The following NRG1 variants were observed in gnomAD, a reference collection of about 807,000 sequenced individuals.
NRG1 encodes the protein neuregulin 1.
A neutral mutation model predicts 63.8 loss-of-function variants in NRG1; 18 were observed. That is an observed-to-expected ratio of 0.28 (90% CI 0.19 to 0.42). The LOEUF (loss-of-function observed/expected upper bound fraction) is 0.42, where lower values mean the gene tolerates loss of function less well. Ranked by LOEUF, NRG1 falls within the 10% of genes least tolerant of loss-of-function variation. The pLI is 1.00. For missense variants in NRG1, 762 were observed against 814.7 expected (o/e 0.94, Z 0.79); for synonymous variants, 302 against 301.3 (o/e 1.00, Z -0.02).
intron 1 of NRG1, among the ~76,000 whole-genome samples, chr8:32,326,412 A>G (rs577686858): frequency 9.2e-5 from 14 of 151,514 alleles, no homozygotes; most frequent in South Asian, 2.1e-4. Flanking sequence ...CCTGGGCTCA[A>G]GCCATTCTCC....
chr8:32,263,908 C>T (rs16879067), intron 1 of NRG1, among the ~76,000 whole-genome samples: 27,000 of 152,028 alleles, frequency 0.18, 3,085 homozygotes, highest in East Asian at 0.58. Context: ...GGTAGAGAGA[C>T]GGGGAGAGCT....
chr8:32,722,322 A>G lies in NRG1; in HGVS notation c.503-5627A>G, dbSNP rs534856382. 9.2e-5 allele frequency among the ~76,000 whole-genome samples: 14 copies of G among 152,292 alleles called. No homozygotes were observed. The South Asian group carries it at 2.9e-3, about 32-fold the overall frequency. On this transcript the variant is annotated intron_variant, in intron 5 of 11. Coordinates refer to ENST00000356819, the Ensembl canonical transcript of NRG1. The stretch of plus-strand genomic sequence containing the variant: ...TAGTGGCTTTTTATCAGCAGTTTGC[A>G]TTTGTGTAATGGTCCTGGTCTACTG...
chr8:31,985,140 TG>T (rs959102510), intron 1 of NRG1, among the ~76,000 whole-genome samples: 2 of 152,032 alleles, frequency 1.3e-5, no homozygotes, highest in Admixed American at 6.6e-5. Context: ...GTTCGTAATC[TG>T]TTTTTAGACA....
chr8:32,532,026 A>G (rs1052006519), intron 1 of NRG1, among the ~76,000 whole-genome samples: 2 of 152,190 alleles, frequency 1.3e-5, no homozygotes, highest in Non-Finnish European at 2.9e-5. Flanking sequence ...CTGACATACT[A>G]GAATTTATGG....
At chr8:31,971,266 T>C (rs1180068408) in intron 1 of NRG1, among the ~76,000 whole-genome samples, 1 of 152,114 alleles carries the variant, frequency 6.6e-6, no homozygotes, top group Non-Finnish European at 1.5e-5. Context: ...AGAGCAAAAA[T>C]TCTTAATTTT....
At chr8:32,125,120 A>G (rs1477775740) in intron 1 of NRG1, among the ~76,000 whole-genome samples, 1 of 151,840 alleles carries the variant, frequency 6.6e-6, no homozygotes, top group African/African-American at 2.4e-5. Context: ...ACCTTCTACC[A>G]TGTGAGAACA....
chr8:32,666,740 T>C (rs777835733), intron 5 of NRG1, among the ~76,000 whole-genome samples: 3 of 152,224 alleles, frequency 2.0e-5, no homozygotes, highest in Non-Finnish European at 2.9e-5. Context: ...GACTTTGTCA[T>C]CTTGCAAACA....
chr8:32,632,277 G>C (rs1464660232), intron 5 of NRG1, among the ~76,000 whole-genome samples: 1 of 152,110 alleles, frequency 6.6e-6, no homozygotes, highest in Non-Finnish European at 1.5e-5. Context: ...CACTGGCCAG[G>C]CGTGGTGGCT....
intron 1 of NRG1, among the ~76,000 whole-genome samples, chr8:31,746,861 A>G (rs1407955168): frequency 1.3e-5 from 2 of 151,974 alleles, no homozygotes; most frequent in African/African-American, 2.4e-5. Context: ...TTGCAACAAC[A>G]TGGATGGAAC....
chr8:32,415,442 A>C (rs762037801), intron 1 of NRG1, among the ~76,000 whole-genome samples: 5 of 149,880 alleles, frequency 3.3e-5, no homozygotes, highest in South Asian at 2.1e-4. Flanking sequence ...AAAATGCGGC[A>C]ATCACAATAC....
At chr8:32,465,443 C>T (rs1429004370) in intron 1 of NRG1, among the ~76,000 whole-genome samples, 1 of 152,046 alleles carries the variant, frequency 6.6e-6, no homozygotes, top group African/African-American at 2.4e-5. Flanking sequence ...TTGAGCAAGC[C>T]CGCTTATTTA....
intron 5 of NRG1, among the ~76,000 whole-genome samples, chr8:32,685,483 A>G (rs979196999): frequency 2.0e-5 from 3 of 152,170 alleles, no homozygotes; most frequent in African/African-American, 7.2e-5. Context: ...CACCATCACA[A>G]GCAAATTCTG....
At chr8:31,929,953 A>C (rs1230579285) in intron 1 of NRG1, among the ~76,000 whole-genome samples, 1 of 152,212 alleles carries the variant, frequency 6.6e-6, no homozygotes, top group Non-Finnish European at 1.5e-5. Flanking sequence ...TCCCCTGCAA[A>C]GAATTCCTCT....
At chr8:32,129,885 C>T (rs1834579909) in intron 1 of NRG1, among the ~76,000 whole-genome samples, 1 of 151,906 alleles carries the variant, frequency 6.6e-6, no homozygotes, top group Non-Finnish European at 1.5e-5. Flanking sequence ...TGTCGTTTGT[C>T]TAAAGCACTT....
intron 5 of NRG1, among the ~76,000 whole-genome samples, chr8:32,631,656 A>G (rs1221599185): frequency 6.6e-6 from 1 of 152,208 alleles, no homozygotes; most frequent in Non-Finnish European, 1.5e-5. Context: ...TGACATATGC[A>G]TTAATCACTG....
chr8:32,424,032 A>T (rs1817024348), intron 1 of NRG1, among the ~76,000 whole-genome samples: 1 of 152,182 alleles, frequency 6.6e-6, no homozygotes, highest in South Asian at 2.1e-4. Context: ...CTCTTTCTAG[A>T]TAACCATCCA....
intron 1 of NRG1, among the ~76,000 whole-genome samples, chr8:32,193,652 C>T (rs960510987): frequency 2.0e-5 from 3 of 152,058 alleles, no homozygotes; most frequent in East Asian, 3.9e-4. Flanking sequence ...ATTGTGATGC[C>T]GCCCCCCTGC....
intron 1 of NRG1, among the ~76,000 whole-genome samples, chr8:32,179,782 C>A (rs1167483887): frequency 1.3e-5 from 2 of 152,140 alleles, no homozygotes; most frequent in African/African-American, 4.8e-5. Context: ...GCATAAGTGC[C>A]TTGTATCATT....
chr8:32,323,233 AT>A (rs1172147981), intron 1 of NRG1, among the ~76,000 whole-genome samples: 1 of 152,178 alleles, frequency 6.6e-6, no homozygotes, highest in African/African-American at 2.4e-5. Context: ...AATCCAACTT[AT>A]CAAAAGTTTA....
Sources: gnomAD v4.1 joint callset for allele counts (sites outside exome capture counted in the v4.1 genomes callset) on GRCh38, gnomAD v4.1.1 for gene constraint, MANE v1.5 for transcripts, NCBI Gene and HGNC (gene_info 2026-07-23, HGNC 2026-07-21) for gene names.